MALRD1: variants seen among roughly 807,000 people sequenced by gnomAD.
MALRD1 encodes MAM and LDL-receptor class A domain-containing protein 1.
Under a neutral mutation model 242.1 loss-of-function variants are expected in MALRD1, and 247 were observed. The observed-to-expected ratio is 1.02, with a 90% CI of 0.92 to 1.13. The LOEUF (loss-of-function observed/expected upper bound fraction) is 1.13, where lower values mean the gene tolerates loss of function less well. Among genes scored for constraint, MALRD1 ranks in the 50% most tolerant of loss-of-function variants. The probability of loss-of-function intolerance (pLI) is 0.00; values close to 1 mark genes in which losing one functional copy is unlikely to be tolerated. For synonymous variants in MALRD1, 995 were observed against 866.6 expected (o/e 1.15, Z -2.60); for missense variants, 2,989 against 2,533.1 (o/e 1.18, Z -3.86).
intron 13 of MALRD1, among the ~76,000 whole-genome samples, chr10:19,171,650 A>ATG: frequency 8.5e-6 from 1 of 117,452 alleles, no homozygotes; most frequent in African/African-American, 3.2e-5. Context: ...ACACACACAT[A>ATG]TATATGTCTA....
At chr10:19,057,329 C>T (rs1203295246) in intron 1 of MALRD1, among the ~76,000 whole-genome samples, 5 of 152,062 alleles carry the variant, frequency 3.3e-5, no homozygotes, top group Admixed American at 2.6e-4. Flanking sequence ...GTGTCTGGTG[C>T]CCTCTGCTTG....
intron 36 of MALRD1, among the ~76,000 whole-genome samples, chr10:19,673,676 G>A (rs1020296288): frequency 6.6e-6 from 1 of 152,000 alleles, no homozygotes; most frequent in African/African-American, 2.4e-5. Context: ...CAGCCAAATA[G>A]CCTAGATTGA....
intron 28 of MALRD1, among the ~76,000 whole-genome samples, chr10:19,406,173 A>G (rs902910931): frequency 2.6e-5 from 4 of 152,240 alleles, no homozygotes; most frequent in Non-Finnish European, 5.9e-5. Context: ...TGCTTTGGAA[A>G]CTATAAAGCA....
At chr10:19,103,898 G>T (rs1451460508) in intron 4 of MALRD1, 81 bp from the exon 5 acceptor site, 3 of 791,350 alleles carry the variant, frequency 3.8e-6, no homozygotes, top group Middle Eastern at 5.2e-4. Context: ...CCTATTGCAG[G>T]CTCTCTTTTA....
At chr10:19,454,183 A>C (rs1835493194) in intron 29 of MALRD1, among the ~76,000 whole-genome samples, 1 of 152,066 alleles carries the variant, frequency 6.6e-6, no homozygotes, top group Non-Finnish European at 1.5e-5. Context: ...CAAGTCATGA[A>C]AAACATATGC....
intron 5 of MALRD1, among the ~76,000 whole-genome samples, chr10:19,122,052 C>T (rs1233946219): frequency 6.6e-6 from 1 of 152,126 alleles, no homozygotes; most frequent in Non-Finnish European, 1.5e-5. Context: ...TGCACAGATA[C>T]AGGCTAGAGT....
intron 2 of MALRD1, among the ~76,000 whole-genome samples, chr10:19,077,042 T>C (rs1252796334): frequency 1.3e-5 from 2 of 152,030 alleles, no homozygotes; most frequent in Non-Finnish European, 2.9e-5. Context: ...AAGTCTTTTA[T>C]TGTTTTTGAG....
chr10:19,243,205 T>TC (rs140867550), intron 18 of MALRD1, among the ~76,000 whole-genome samples: 12,348 of 150,872 alleles, frequency 0.082, 695 homozygotes, highest in African/African-American at 0.16. Flanking sequence ...TCTTGACTTC[T>TC]CCCCCGCCAC....
At chr10:19,301,738 G>A (rs1027053531) in intron 21 of MALRD1, among the ~76,000 whole-genome samples, 1 of 151,610 alleles carries the variant, frequency 6.6e-6, no homozygotes, top group Non-Finnish European at 1.5e-5. Context: ...GGAGGGCGAG[G>A]ATTGAAATGC....
At chr10:19,130,003 T>A (rs946013344) in intron 8 of MALRD1, among the ~76,000 whole-genome samples, 4 of 151,688 alleles carry the variant, frequency 2.6e-5, no homozygotes, top group African/African-American at 7.3e-5. Flanking sequence ...TAAAGTAATA[T>A]ACATATGTAT....
intron 34 of MALRD1, among the ~76,000 whole-genome samples, chr10:19,599,182 C>A (rs1320611223): frequency 6.6e-6 from 1 of 152,108 alleles, no homozygotes; most frequent in Non-Finnish European, 1.5e-5. Context: ...TTTTCAGTGG[C>A]TTTCTCATGT....
chr10:19,159,855 T>C (rs1834322010), intron 12 of MALRD1, among the ~76,000 whole-genome samples: 1 of 152,074 alleles, frequency 6.6e-6, no homozygotes, highest in Non-Finnish European at 1.5e-5. Context: ...AGATGTTATT[T>C]CCTTTGGTAG....
chr10:19,180,170 A>G (rs1225348194), intron 14 of MALRD1, among the ~76,000 whole-genome samples: 1 of 152,166 alleles, frequency 6.6e-6, no homozygotes, highest in Non-Finnish European at 1.5e-5. Context: ...GAACACAGAC[A>G]TTTTCCAGAA....
At chr10:19,155,248 T>C (rs1210448650) in intron 12 of MALRD1, 76 bp downstream of exon 12, 2 of 753,286 alleles carry the variant, frequency 2.7e-6, no homozygotes, top group African/African-American at 1.8e-5. Flanking sequence ...CTGCTAGTAA[T>C]TGCCCGCCAT....
intron 28 of MALRD1, among the ~76,000 whole-genome samples, chr10:19,441,809 A>T (rs575844101): frequency 1.2e-5 from 1 of 85,400 alleles, no homozygotes; most frequent in South Asian, 3.4e-4. Context: ...TGTCTTGACA[A>T]TGTGGGCTCT....
chr10:19,507,416 G>GA (rs1833193604), intron 31 of MALRD1, among the ~76,000 whole-genome samples: 15 of 152,004 alleles, frequency 9.9e-5, no homozygotes, highest in Admixed American at 9.8e-4. Context: ...CAAATCTAGT[G>GA]AAAAAACCTA....
chr10:19,355,217 G>A (rs1029110903), intron 26 of MALRD1, among the ~76,000 whole-genome samples: 1 of 152,048 alleles, frequency 6.6e-6, no homozygotes, highest in South Asian at 2.1e-4. Flanking sequence ...TTTGGCTGAG[G>A]TGGGCACCTT....
chr10:19,412,584 A>C (rs943627437), intron 28 of MALRD1, among the ~76,000 whole-genome samples: 2 of 152,228 alleles, frequency 1.3e-5, no homozygotes, highest in Non-Finnish European at 2.9e-5. Flanking sequence ...TATTAAAACA[A>C]ATGTAGGACC....
At chr10:19,132,027 A>T (rs890381685) in intron 8 of MALRD1, among the ~76,000 whole-genome samples, 3 of 152,222 alleles carry the variant, frequency 2.0e-5, no homozygotes, top group Non-Finnish European at 4.4e-5. Flanking sequence ...AAAAATCTAG[A>T]TCTCATTCAC....
Sources: allele counts gnomAD v4.1 joint callset (sites outside exome capture counted in the v4.1 genomes callset), GRCh38; gene constraint gnomAD v4.1.1; transcripts MANE v1.5; gene names NCBI Gene and HGNC (gene_info 2026-07-23, HGNC 2026-07-21).